Variants in BCAS3 observed in about 807,000 individuals in gnomAD.
BCAS3 encodes BCAS4/BCAS3 fusion.
In BCAS3, 53 loss-of-function variants were observed where a neutral mutation model predicts 116.1. The ratio of observed to expected loss-of-function variants is 0.46; its 90% CI spans 0.37 to 0.57. The LOEUF (loss-of-function observed/expected upper bound fraction) is 0.57, where lower values mean the gene tolerates loss of function less well. Among genes scored for constraint, BCAS3 ranks in the 20% least tolerant of loss-of-function variants. The pLI, the probability that BCAS3 is intolerant of heterozygous loss-of-function variation, is 0.00. For synonymous variants in BCAS3, 391 were observed against 408.2 expected (o/e 0.96, Z 0.51); for missense variants, 917 against 1,165.4 (o/e 0.79, Z 3.10).
At chr17:60,887,201 C>T (rs2056750166) in intron 9 of BCAS3, 2 of 152,196 alleles carry the variant, frequency 1.3e-5, no homozygotes, top group East Asian at 1.9e-4. Context: ...GGGAGTGACC[C>T]GATTTTCCAG....
chr17:61,037,803 A>G lies in BCAS3; in HGVS notation c.1763-86A>G, dbSNP rs1744098038. ...TTTCTCTGAGCAGCCTCAGGAGCAG[A>G]CTAATAAGATCATTAACTTGTAAAA... is the stretch of plus-strand genomic sequence containing the variant. On this transcript the variant is annotated intron_variant, in intron 17 of 23. Transcript: ENST00000407086. The surrounding 1 kb of genome is among the most constrained non-coding windows in gnomAD (Gnocchi z 4.7). 5 of 1,245,770 alleles carry G rather than the reference A, an allele frequency of 4.0e-6. No individual in the cohort carries two copies. The South Asian group carries it at 8.0e-5, about 20-fold the overall frequency. The allele number at this position is 1,245,770 out of a possible 1,614,324, so 77.2% of individuals were successfully genotyped here.
chr17:61,359,043 T>C (rs1302770890), intron 22 of BCAS3, among the ~76,000 whole-genome samples: 2 of 152,142 alleles, frequency 1.3e-5, no homozygotes, highest in African/African-American at 2.4e-5. Context: ...GGGGTGCACA[T>C]ACTCACCATA....
intron 22 of BCAS3, among the ~76,000 whole-genome samples, chr17:61,312,421 T>G (rs1306935523): frequency 2.6e-5 from 4 of 152,354 alleles, no homozygotes; most frequent in Admixed American, 6.5e-5. Flanking sequence ...AAATTGACAC[T>G]GACCTTGGCC....
intron 6 of BCAS3, among the ~76,000 whole-genome samples, chr17:60,802,283 C>CAAAAAAA (rs1174016996): frequency 1.9e-5 from 2 of 107,932 alleles, no homozygotes; most frequent in African/African-American, 3.8e-5. Flanking sequence ...GACTCTGTCT[C>CAAAAAAA]AAAAAAAAAA....
At chr17:60,957,196 T>A (rs1160148863) in intron 14 of BCAS3, among the ~76,000 whole-genome samples, 2 of 152,200 alleles carry the variant, frequency 1.3e-5, no homozygotes, top group South Asian at 2.1e-4. Flanking sequence ...AATGGCAAAC[T>A]TGCTTTTGAA....
chr17:60,709,791 T>G, intron 5 of BCAS3, among the ~76,000 whole-genome samples: 1 of 152,224 alleles, frequency 6.6e-6, no homozygotes, highest in East Asian at 1.9e-4. Flanking sequence ...TTGCATAATA[T>G]TGGTCTTATT....
intron 19 of BCAS3, among the ~76,000 whole-genome samples, chr17:61,067,740 A>AAAAAAAT (rs1555697139): frequency 7.5e-6 from 1 of 133,742 alleles, no homozygotes; most frequent in African/African-American, 3.3e-5. Context: ...AAAAAAAAAA[A>AAAAAAAT]ATATATATAT....
Position 61,251,330 on chromosome 17 carries a change from G to T in BCAS3, c.2426-116997G>T, listed in dbSNP as rs1366326386. Among the ~76,000 whole-genome samples, 1 of 152,226 alleles carries T rather than the reference G, an allele frequency of 6.6e-6. No homozygotes were observed. Among genetic ancestry groups the T allele is most frequent in the Non-Finnish European group, 1.5e-5 (1 of 68,040 alleles). On this transcript the variant is annotated intron_variant, in intron 22 of 23. Coordinates refer to ENST00000407086, the MANE Select transcript of BCAS3 (RefSeq NM_017679.5). The surrounding 1 kb of genome is among the most constrained non-coding windows in gnomAD (Gnocchi z 4.7). ...CATGCCTGTAATCCCAGCACTCTGG[G>T]AGGCTGAGGCGGGCGGATCACCTGA...
intron 22 of BCAS3, among the ~76,000 whole-genome samples, chr17:61,312,811 C>A (rs1035700859): frequency 6.6e-6 from 1 of 152,210 alleles, no homozygotes; most frequent in South Asian, 2.1e-4. Context: ...TGAGCTTCAG[C>A]AGTAGCCTCG....
chr17:61,175,157 AG>A (rs1386468499), intron 22 of BCAS3, among the ~76,000 whole-genome samples: 4 of 152,192 alleles, frequency 2.6e-5, no homozygotes, highest in African/African-American at 9.6e-5. Flanking sequence ...CTGTAATCCC[AG>A]CACTTTCGGA....
At position 61,078,580 on chromosome 17, in the gene BCAS3, G is replaced by C. The variant is rs377660908; in HGVS notation, c.2327+51G>C. The C allele has an allele frequency of 8.9e-6, 13 of 1,461,922 alleles. No individual in the cohort carries two copies. The Admixed American group carries it at 2.2e-4, about 25-fold the overall frequency. The allele number at this position is 1,461,922 out of a possible 1,614,324, so 90.6% of individuals were successfully genotyped here. A position where few individuals can be genotyped will look rare whatever the true frequency, so the allele number is the denominator to read the frequency against. On this transcript the variant is annotated intron_variant, in intron 21 of 23. Coordinates refer to ENST00000407086, the MANE Select transcript of BCAS3 (RefSeq NM_017679.5). ...TTTGAACAAAAGGATTAATATGTTC[G>C]TGTGAAATGAGCATCATATGTAATA...
rs1450794957 is a variant in BCAS3, at chr17:61,326,730, A to G, written c.2426-41597A>G. Reference sequence around the variant, plus strand: ...TAGTCACATGGAGGAGGAGGCTTGGATACATTACATTTCCAGTGGATTTGA... The same window carrying G: ...TAGTCACATGGAGGAGGAGGCTTGGGTACATTACATTTCCAGTGGATTTGA... On this transcript the variant is annotated intron_variant, in intron 22 of 23. Coordinates refer to ENST00000407086, the MANE Select transcript of BCAS3 (RefSeq NM_017679.5). The surrounding 1 kb of genome is among the most constrained non-coding windows in gnomAD (Gnocchi z 5.3). 6.6e-6 allele frequency among the ~76,000 whole-genome samples: 1 copy of G among 152,192 alleles called. No homozygotes were observed. The highest frequency in any genetic ancestry group is 2.4e-5 in the African/African-American group (1 of 41,448).
chr17:61,254,694 T>C (rs1347272013), intron 22 of BCAS3, among the ~76,000 whole-genome samples: 1 of 134,908 alleles, frequency 7.4e-6, no homozygotes, highest in Non-Finnish European at 1.5e-5. Context: ...AGAGAATCAC[T>C]TGAACCTGGG....
At chr17:60,796,415 G>A (rs1322033391) in intron 6 of BCAS3, among the ~76,000 whole-genome samples, 3 of 152,002 alleles carry the variant, frequency 2.0e-5, no homozygotes, top group African/African-American at 7.2e-5. Context: ...GCTTGTTATT[G>A]GCCTGTTGAG....
At position 61,381,258 on chromosome 17, in the gene BCAS3, A is replaced by C. The variant is rs1312454285; in HGVS notation, c.2594-10719A>C. The stretch of plus-strand genomic sequence containing the variant: ...TTTCTAGATTTGTTATTCCTCCTGG[A>C]GGAGCAAATGGAAAGGCTCGCCTGA... On this transcript the variant is annotated intron_variant, in intron 23 of 23. Transcript: ENST00000407086. The surrounding 1 kb of genome is among the most constrained non-coding windows in gnomAD (Gnocchi z 6.0). Among the ~76,000 whole-genome samples, 1 of 152,248 alleles carries C rather than the reference A, an allele frequency of 6.6e-6. No individual in the cohort carries two copies. The highest frequency in any genetic ancestry group is 6.5e-5 in the Admixed American group (1 of 15,288).
intron 11 of BCAS3, among the ~76,000 whole-genome samples, chr17:60,903,667 A>G (rs531750026): frequency 1.3e-5 from 2 of 152,200 alleles, no homozygotes; most frequent in African/African-American, 4.8e-5. Context: ...TTCTGAGCTT[A>G]AGCAATCCAC....
chr17:61,196,599 A>G lies in BCAS3; in HGVS notation c.2425+112035A>G, dbSNP rs990739386. ...GGGAGGTTAGACTGGGGCTAGCCAGACTGCTCCACATAGACTTCCGATTCG... is the reference window on the plus strand; with the variant it reads ...GGGAGGTTAGACTGGGGCTAGCCAGGCTGCTCCACATAGACTTCCGATTCG... On this transcript the variant is annotated intron_variant, in intron 22 of 23. Transcript: ENST00000407086. This position sits in a 1 kb window ranked among gnomAD's most constrained non-coding sequence, Gnocchi z 4.7. Among the ~76,000 whole-genome samples, 5 of 152,198 alleles carry G rather than the reference A, an allele frequency of 3.3e-5. No homozygotes were observed. Among genetic ancestry groups the G allele is most frequent in the African/African-American group, 1.2e-4 (5 of 41,454 alleles).
intron 18 of BCAS3, among the ~76,000 whole-genome samples, 155 bp downstream of exon 18, chr17:61,038,209 G>A (rs2067194903): frequency 6.6e-6 from 1 of 151,766 alleles, no homozygotes; most frequent in Non-Finnish European, 1.5e-5. Context: ...ATGTTTCTTG[G>A]TGACCCTTTG....
Position 61,077,084 on chromosome 17 carries a change from A to C in BCAS3, c.2131-1249A>C, listed in dbSNP as rs2072069183. ...GCACAGGCATGAATGTACCATTGAC[A>C]AGACATTTAAACTAGTTTGTATATT... On this transcript the variant is annotated intron_variant, in intron 20 of 23. Transcript: ENST00000407086. This position sits in a 1 kb window ranked among gnomAD's most constrained non-coding sequence, Gnocchi z 4.3. Among the ~76,000 whole-genome samples, 1 of 152,204 alleles carries C rather than the reference A, an allele frequency of 6.6e-6. No homozygotes were observed. The highest frequency in any genetic ancestry group is 2.4e-5 in the African/African-American group (1 of 41,442).
Sources: gnomAD v4.1 joint callset for allele counts (sites outside exome capture counted in the v4.1 genomes callset) on GRCh38, gnomAD v4.1.1 for gene constraint, Gnocchi (gnomAD v3.1) non-coding constraint, MANE v1.5 for transcripts, NCBI Gene and HGNC (gene_info 2026-07-23, HGNC 2026-07-21) for gene names.